Variants in MAP7 observed in about 807,000 individuals in gnomAD.
MAP7 encodes ensconsin.
MAP7 carries 52 observed loss-of-function variants against 94.8 expected under a neutral mutation model. The observed-to-expected ratio is 0.55, with a 90% confidence interval of 0.44 to 0.69. The LOEUF (loss-of-function observed/expected upper bound fraction) is 0.69. MAP7 is among the 30% of genes least tolerant of loss of function. The pLI is 0.00. For missense variants in MAP7, 940 were observed against 964.6 expected, an observed-to-expected ratio of 0.97 and a Z score of 0.34; for synonymous variants, 350 against 357.0, an observed-to-expected ratio of 0.98 and a Z score of 0.22.
At chr6:136,444,171 T>C (rs1798671643) in intron 1 of MAP7, among the ~76,000 whole-genome samples, 1 of 152,194 alleles carries the variant, frequency 6.6e-6, no homozygotes, top group South Asian at 2.1e-4. Context: ...CTGTGAGAAA[T>C]GAGCTTCGGA....
At chr6:136,450,784 C>CA (rs199850506) in intron 1 of MAP7, among the ~76,000 whole-genome samples, 3,334 of 138,086 alleles carry the variant, frequency 0.024, 97 homozygotes, top group East Asian at 0.14. Flanking sequence ...AACTCCATCT[C>CA]AAAAAAAAAA....
At chr6:136,456,793 A>AAGG in intron 1 of MAP7, among the ~76,000 whole-genome samples, 1 of 75,532 alleles carries the variant, frequency 1.3e-5, no homozygotes, top group Non-Finnish European at 3.1e-5. Context: ...GAAGAAGAAG[A>AAGG]AGAAGAAGAA....
intron 1 of MAP7, among the ~76,000 whole-genome samples, chr6:136,425,129 G>T (rs1792763089): frequency 6.6e-6 from 1 of 152,138 alleles, no homozygotes; most frequent in East Asian, 1.9e-4. Context: ...ACAAAGGAAT[G>T]ATTCACATCT....
At chr6:136,445,468 T>C (rs972129316) in intron 1 of MAP7, among the ~76,000 whole-genome samples, 9 of 152,214 alleles carry the variant, frequency 5.9e-5, no homozygotes, top group African/African-American at 2.2e-4. Context: ...CCTATCTGCA[T>C]TGGCCATTTC....
intron 3 of MAP7, among the ~76,000 whole-genome samples, chr6:136,402,976 A>T (rs1784604971): frequency 6.6e-6 from 1 of 150,816 alleles, no homozygotes. Context: ...TTACTATCTC[A>T]GGGCTAGGCC....
At chr6:136,368,324 C>T (rs530529937) in intron 8 of MAP7, among the ~76,000 whole-genome samples, 7 of 152,214 alleles carry the variant, frequency 4.6e-5, no homozygotes, top group African/African-American at 1.7e-4. Context: ...AATAGCCCAC[C>T]ATCTATACAA....
chr6:136,486,359 G>C (rs1052517557), intron 1 of MAP7, among the ~76,000 whole-genome samples: 1 of 152,202 alleles, frequency 6.6e-6, no homozygotes, highest in African/African-American at 2.4e-5. Context: ...GTAAGATGAA[G>C]GCTCCCTGCA....
chr6:136,462,379 A>G (rs986880939), intron 1 of MAP7, among the ~76,000 whole-genome samples: 8 of 152,158 alleles, frequency 5.3e-5, no homozygotes, highest in African/African-American at 1.7e-4. Flanking sequence ...TACCAACTCA[A>G]TGTCCTTCCT....
intron 1 of MAP7, among the ~76,000 whole-genome samples, chr6:136,427,655 T>G (rs374589580): frequency 1.1e-4 from 16 of 152,362 alleles, no homozygotes; most frequent in Admixed American, 7.2e-4. Flanking sequence ...AATAGGATCA[T>G]CTGATAATGA....
chr6:136,377,445 GAC>G (rs1776491860), intron 7 of MAP7, among the ~76,000 whole-genome samples: 1 of 152,200 alleles, frequency 6.6e-6, no homozygotes. Flanking sequence ...TCTGCTCAGA[GAC>G]AGAGGCAGAA....
chr6:136,413,474 A>C (rs909369711), intron 2 of MAP7, among the ~76,000 whole-genome samples: 3 of 151,472 alleles, frequency 2.0e-5, no homozygotes, highest in Non-Finnish European at 4.4e-5. Context: ...TTGAGCCAAG[A>C]CTGCATGCCA....
At chr6:136,356,669 A>G in intron 16 of MAP7, 23 bp downstream of exon 16, 1 of 1,574,890 alleles carries the variant, frequency 6.3e-7, no homozygotes, top group Non-Finnish European at 8.7e-7. Context: ...GTTTTACTTT[A>G]ATGAATGTCA....
At chr6:136,395,426 TTTTG>T in intron 3 of MAP7, among the ~76,000 whole-genome samples, 1 of 150,794 alleles carries the variant, frequency 6.6e-6, no homozygotes, top group Admixed American at 6.6e-5. Context: ...TTTTTTTTTT[TTTTG>T]CACTATTGAG....
At chr6:136,437,553 G>C (rs1796705541) in intron 1 of MAP7, among the ~76,000 whole-genome samples, 1 of 152,102 alleles carries the variant, frequency 6.6e-6, no homozygotes, top group Non-Finnish European at 1.5e-5. Flanking sequence ...ATATTGATCT[G>C]ATTTACTTCA....
At chr6:136,424,487 C>G (rs1384133131) in intron 1 of MAP7, among the ~76,000 whole-genome samples, 1 of 152,178 alleles carries the variant, frequency 6.6e-6, no homozygotes, top group Non-Finnish European at 1.5e-5. Context: ...AGGATACAAA[C>G]AAGCACCCTG....
chr6:136,356,915 T>C (rs1791144373), intron 15 of MAP7, 121 bp from the exon 16 acceptor site: 1 of 712,764 alleles, frequency 1.4e-6, no homozygotes, highest in African/African-American at 1.8e-5. Flanking sequence ...ATGTGAGACC[T>C]TGGGCACATC....
chr6:136,533,354 T>C (rs1222294328), intron 1 of MAP7, among the ~76,000 whole-genome samples: 2 of 152,182 alleles, frequency 1.3e-5, no homozygotes, highest in Non-Finnish European at 2.9e-5. Flanking sequence ...GGTGGATCCC[T>C]ATAGCTATGT....
intron 1 of MAP7, among the ~76,000 whole-genome samples, chr6:136,455,819 T>C (rs964113942): frequency 6.6e-6 from 1 of 152,142 alleles, no homozygotes; most frequent in Admixed American, 6.5e-5. Context: ...AGCTCTAAAA[T>C]CAAGGCACAA....
rs1441606556 is a variant in MAP7 at position 136,550,105 on chromosome 6, C to G, written c.67+237G>C. 3.3e-5 allele frequency among the ~76,000 whole-genome samples: 5 copies of G among 150,950 alleles called. No homozygotes were observed. The highest frequency in any genetic ancestry group is 1.2e-4 in the African/African-American group (5 of 41,274). On this transcript the variant is annotated intron_variant, in intron 1 of 17. Transcript: ENST00000354570. This position sits in a 1 kb window ranked among gnomAD's most constrained non-coding sequence, Gnocchi z 5.1. ...TGCGGGAAAGTCGCGGTGGAGCGCC[C>G]GAGGGCGGCCGCAACCCCGGCCGGG...
Sources: allele counts gnomAD v4.1 joint callset (sites outside exome capture counted in the v4.1 genomes callset), GRCh38; gene constraint gnomAD v4.1.1; non-coding constraint Gnocchi (gnomAD v3.1); transcripts MANE v1.5; gene names NCBI Gene and HGNC (gene_info 2026-07-23, HGNC 2026-07-21).